The following ZHX3 variants were observed in gnomAD, a reference collection of about 807,000 sequenced individuals.
The protein encoded by ZHX3 is zinc fingers and homeoboxes protein 3.
In ZHX3, 20 loss-of-function variants were observed where a neutral mutation model predicts 64.5. The ratio of observed to expected loss-of-function variants is 0.31; its 90% confidence interval spans 0.22 to 0.45. The LOEUF (loss-of-function observed/expected upper bound fraction) is 0.45, where lower values mean the gene tolerates loss of function less well. ZHX3 is among the 20% of genes least tolerant of loss of function. The pLI is 1.00. For missense variants in ZHX3, 1,041 were observed against 1,195.8 expected (o/e 0.87, Z 1.91); for synonymous variants, 423 against 461.6 (o/e 0.92, Z 1.07).
chr20:41,245,800 CTTAAGA>C (rs1157005872), intron 2 of ZHX3, among the ~76,000 whole-genome samples: 1 of 152,210 alleles, frequency 6.6e-6, no homozygotes, highest in Non-Finnish European at 1.5e-5. Flanking sequence ...ATACAGTAAT[CTTAAGA>C]TTGAGATACT....
chr20:41,241,300 G>C (rs887416004), intron 2 of ZHX3, among the ~76,000 whole-genome samples: 9 of 152,150 alleles, frequency 5.9e-5, no homozygotes, highest in Admixed American at 1.3e-4. Flanking sequence ...TTTGCCATTT[G>C]TATGTCTTCT....
chr20:41,202,630 GCTGCTCTGC>G lies in ZHX3; in HGVS notation c.2278_2286del (p.Ala760_Gln762del). The G allele has an allele frequency of 2.5e-6, 4 of 1,613,896 alleles. No homozygotes were observed. Among genetic ancestry groups the G allele is most frequent in the Non-Finnish European group, 3.4e-6 (4 of 1,180,016 alleles). Reference sequence around the variant, plus strand: ...TTTTTGCAGCTCACTTTGCCTGGGAGCTGCTCTGCCAGTTTGTTTGACTCATCATCCTCA... The same window carrying G: ...TTTTTGCAGCTCACTTTGCCTGGGAGCAGTTTGTTTGACTCATCATCCTCA... On this transcript the variant is annotated inframe_deletion, in exon 3 of 4. Coordinates refer to ENST00000683867, the MANE Select transcript of ZHX3 (RefSeq NM_001384317.1). The surrounding 1 kb of genome is among the most constrained non-coding windows in gnomAD (Gnocchi z 7.0).
chr20:41,183,783 T>A lies in ZHX3; in HGVS notation c.*1408A>T, dbSNP rs2036328355. On this transcript the variant is annotated 3_prime_UTR_variant, in exon 4 of 4. Coordinates refer to ENST00000683867, the MANE Select transcript of ZHX3 (RefSeq NM_001384317.1). This position sits in a 1 kb window ranked among gnomAD's most constrained non-coding sequence, Gnocchi z 5.3. ...TAGTTCGCCCCTCTTTACCAGCTAC[T>A]CTCAGAGCAACCGGTCTTGGGGAAA... The A allele has an allele frequency of 6.6e-6, 1 of 152,196 alleles. No homozygotes were observed. The highest frequency in any genetic ancestry group is 1.5e-5 in the Non-Finnish European group (1 of 68,044). 9.4% of individuals were successfully genotyped at this position (152,196 alleles called of 1,614,324 possible).
In ZHX3 at chr20:41,228,371, TA is replaced by T. The variant is rs2040399793; in HGVS notation, c.-150-23306del. Among the ~76,000 whole-genome samples, 1 of 152,222 alleles carries T rather than the reference TA, an allele frequency of 6.6e-6. No individual in the cohort carries two copies. Among genetic ancestry groups the T allele is most frequent in the African/African-American group, 2.4e-5 (1 of 41,462 alleles). On this transcript the variant is annotated intron_variant, in intron 2 of 3. Transcript: ENST00000683867. This position sits in a 1 kb window ranked among gnomAD's most constrained non-coding sequence, Gnocchi z 4.6. ...AAAAATATAGCCTAGGTCTACTTCC[TA>T]AATCTTCATTTCACCTCTCACCATT...
chr20:41,290,293 C>A (rs999604967), intron 1 of ZHX3: 1 of 152,200 alleles, frequency 6.6e-6, no homozygotes, highest in African/African-American at 2.4e-5. Context: ...GACAGGGTCT[C>A]ACTCTGTTGC....
At chr20:41,282,359 A>ATTTTTTTTTTTTTT (rs1442916638) in intron 1 of ZHX3, among the ~76,000 whole-genome samples, 3 of 60,702 alleles carry the variant, frequency 4.9e-5, no homozygotes, top group African/African-American at 8.1e-5. Context: ...GACACAATTC[A>ATTTTTTTTTTTTTT]TCTTTTTTTT....
chr20:41,284,108 T>C (rs1018625836), intron 1 of ZHX3, among the ~76,000 whole-genome samples: 2 of 152,210 alleles, frequency 1.3e-5, no homozygotes, highest in Non-Finnish European at 2.9e-5. Context: ...ATGAGAAAAT[T>C]GCACTTGCTT....
At chr20:41,221,654 A>ACT (rs1163879457) in intron 2 of ZHX3, among the ~76,000 whole-genome samples, 1 of 152,232 alleles carries the variant, frequency 6.6e-6, no homozygotes, top group Non-Finnish European at 1.5e-5. Flanking sequence ...AGGCTGAAGA[A>ACT]ATGTGGAGCA....
At position 41,185,089 on chromosome 20, in the gene ZHX3, G is replaced by A. The variant is rs2664537; in HGVS notation, c.*102C>T. Reference sequence around the variant, plus strand: ...AAGCTCTCCCAGGTGCCCAGCAGCCGGGCATGGGAACGGCATGTGGCAGCA... The same window carrying A: ...AAGCTCTCCCAGGTGCCCAGCAGCCAGGCATGGGAACGGCATGTGGCAGCA... On this transcript the variant is annotated 3_prime_UTR_variant, in exon 4 of 4. Transcript: ENST00000683867. The surrounding 1 kb of genome is among the most constrained non-coding windows in gnomAD (Gnocchi z 5.0). The A allele has an allele frequency of 0.15, 241,868 of 1,562,680 alleles. 20,414 individuals carry two copies. Among genetic ancestry groups the A allele is most frequent in the Non-Finnish European group, 0.17 (195,561 of 1,151,736 alleles).
At chr20:41,310,361 A>G (rs1257900467) in intron 1 of ZHX3, among the ~76,000 whole-genome samples, 2 of 152,044 alleles carry the variant, frequency 1.3e-5, no homozygotes, top group African/African-American at 4.8e-5. Flanking sequence ...ACCTCTTCCC[A>G]TTTATTCTTA....
At chr20:41,255,801 C>G (rs2042220755) in intron 2 of ZHX3, among the ~76,000 whole-genome samples, 1 of 152,118 alleles carries the variant, frequency 6.6e-6, no homozygotes, top group Non-Finnish European at 1.5e-5. Context: ...GGAGAGGTGT[C>G]CATGCAGCAG....
chr20:41,218,425 C>T (rs533131712), intron 2 of ZHX3, among the ~76,000 whole-genome samples: 42 of 152,198 alleles, frequency 2.8e-4, no homozygotes, highest in Middle Eastern at 3.4e-3. Flanking sequence ...GCCTGGGCAA[C>T]AGAGCAAGAC....
intron 3 of ZHX3, among the ~76,000 whole-genome samples, chr20:41,192,627 C>T (rs2037129589): frequency 1.3e-5 from 2 of 152,250 alleles, no homozygotes; most frequent in Admixed American, 6.5e-5. Flanking sequence ...GCCCCAGCTG[C>T]AGTAACCCAG....
At chr20:41,218,168 G>A (rs752942144) in intron 2 of ZHX3, among the ~76,000 whole-genome samples, 13 of 148,378 alleles carry the variant, frequency 8.8e-5, no homozygotes, top group Non-Finnish European at 1.8e-4. Context: ...AAAGAGGCTG[G>A]ACCAGTGGCT....
intron 1 of ZHX3, among the ~76,000 whole-genome samples, chr20:41,305,178 A>C (rs2044937583): frequency 6.6e-6 from 1 of 152,224 alleles, no homozygotes; most frequent in South Asian, 2.1e-4. Flanking sequence ...CCTACAACGA[A>C]ATGTCTTAGT....
intron 1 of ZHX3, among the ~76,000 whole-genome samples, chr20:41,273,859 G>C (rs2043263587): frequency 6.6e-6 from 1 of 152,148 alleles, no homozygotes; most frequent in Non-Finnish European, 1.5e-5. Flanking sequence ...TTTAGGATCA[G>C]CTTTCCTATT....
chr20:41,280,783 AG>A (rs2043638866), intron 1 of ZHX3, among the ~76,000 whole-genome samples: 1 of 152,186 alleles, frequency 6.6e-6, no homozygotes, highest in Non-Finnish European at 1.5e-5. Flanking sequence ...AGACAAAAGT[AG>A]TGATTTAGAA....
At chr20:41,291,837 C>A (rs1438187902) in intron 1 of ZHX3, among the ~76,000 whole-genome samples, 1 of 151,228 alleles carries the variant, frequency 6.6e-6, no homozygotes, top group African/African-American at 2.4e-5. Flanking sequence ...TATTAAAGAA[C>A]TATTGTTATT....
At chr20:41,199,702 CTTTTTTT>C (rs34316877) in intron 3 of ZHX3, among the ~76,000 whole-genome samples, 5 of 136,750 alleles carry the variant, frequency 3.7e-5, no homozygotes, top group Admixed American at 1.5e-4. Flanking sequence ...TCAAAAAACT[CTTTTTTT>C]TTTTTTTTTG....
Sources: gnomAD v4.1 joint callset for allele counts (sites outside exome capture counted in the v4.1 genomes callset) on GRCh38, gnomAD v4.1.1 for gene constraint, Gnocchi (gnomAD v3.1) non-coding constraint, MANE v1.5 for transcripts, NCBI Gene and HGNC (gene_info 2026-07-23, HGNC 2026-07-21) for gene names.